CACNA1C: variants seen among roughly 807,000 people sequenced by gnomAD.
CACNA1C encodes the protein voltage-dependent L-type calcium channel subunit alpha-1C.
In CACNA1C, 30 loss-of-function variants were observed where a neutral mutation model predicts 229.0. The ratio of observed to expected loss-of-function variants is 0.13; its 90% confidence interval spans 0.10 to 0.18. The LOEUF is 0.18. Among genes scored for constraint, CACNA1C ranks in the 10% least tolerant of loss-of-function variants. CACNA1C has a pLI of 1.00. For missense variants in CACNA1C, 1,658 were observed against 2,845.0 expected (o/e 0.58, Z 9.49); for synonymous variants, 1,114 against 1,132.5 (o/e 0.98, Z 0.33).
intron 18 of CACNA1C, among the ~76,000 whole-genome samples, chr12:2,591,869 G>A (rs994442379): frequency 2.0e-5 from 3 of 152,176 alleles, no homozygotes; most frequent in Non-Finnish European, 4.4e-5. Flanking sequence ...TGTGGTTGCC[G>A]GCAGTCCTTG....
At chr12:2,519,590 A>G (rs2099805531) in intron 9 of CACNA1C, among the ~76,000 whole-genome samples, 1 of 152,248 alleles carries the variant, frequency 6.6e-6, no homozygotes, top group Admixed American at 6.5e-5. Flanking sequence ...AGTGGCGATG[A>G]CAGGGAAATT....
chr12:2,673,076 C>T (rs1317512244), intron 38 of CACNA1C, among the ~76,000 whole-genome samples: 1 of 152,192 alleles, frequency 6.6e-6, no homozygotes, highest in Non-Finnish European at 1.5e-5. Context: ...ACACAAGAGC[C>T]CTCAACCACA....
intron 3 of CACNA1C, among the ~76,000 whole-genome samples, chr12:2,136,694 C>T (rs560468445): frequency 1.5e-4 from 22 of 151,162 alleles, no homozygotes; most frequent in African/African-American, 5.3e-4. Context: ...CAGGCCATGC[C>T]ATTTGGAAAG....
intron 46 of CACNA1C, 122 bp from the exon 47 acceptor site, chr12:2,690,778 A>G (rs930476651): frequency 4.3e-6 from 4 of 924,494 alleles, no homozygotes; most frequent in Non-Finnish European, 6.4e-6. Flanking sequence ...GTACACGTGC[A>G]CACACGCACA....
chr12:2,530,446 C>T (rs977237771), intron 9 of CACNA1C, among the ~76,000 whole-genome samples: 2 of 152,196 alleles, frequency 1.3e-5, no homozygotes, highest in African/African-American at 4.8e-5. Flanking sequence ...AAAACTCTTT[C>T]CAGTTAAACT....
At chr12:2,155,092 C>A (rs2095489724) in intron 3 of CACNA1C, among the ~76,000 whole-genome samples, 1 of 152,170 alleles carries the variant, frequency 6.6e-6, no homozygotes. Context: ...AGACATAATT[C>A]TCTTGCAATC....
intron 3 of CACNA1C, among the ~76,000 whole-genome samples, chr12:2,298,177 G>A (rs901357629): frequency 6.6e-6 from 1 of 152,320 alleles, no homozygotes; most frequent in African/African-American, 2.4e-5. Context: ...AGTCCTTCCT[G>A]GGAAGAGCAC....
chr12:2,129,520 C>T (rs2091538964), intron 3 of CACNA1C, among the ~76,000 whole-genome samples: 1 of 152,174 alleles, frequency 6.6e-6, no homozygotes, highest in African/African-American at 2.4e-5. Context: ...CAAATAAATT[C>T]ACTGTTTATG....
intron 3 of CACNA1C, among the ~76,000 whole-genome samples, chr12:2,242,329 G>T (rs1317462730): frequency 6.6e-6 from 1 of 152,188 alleles, no homozygotes; most frequent in South Asian, 2.1e-4. Flanking sequence ...GCAATGCAAG[G>T]ATAATGAAAA....
At position 2,362,571 on chromosome 12, in the gene CACNA1C, T is replaced by C. The variant is rs111503315; in HGVS notation, c.478-86405T>C. On this transcript the variant is annotated intron_variant, in intron 3 of 46. Coordinates refer to ENST00000399655, the MANE Select transcript of CACNA1C (RefSeq NM_000719.7). ...ACTTGTTCTCCTGCTGGGGTGCATG[T>C]GTGTCCTCTCCAGCTGGACCATAAT... Among the ~76,000 whole-genome samples, 8 of 152,340 alleles carry C rather than the reference T, an allele frequency of 5.3e-5. 1 individual carries two copies. The highest frequency in any genetic ancestry group is 1.9e-4 in the African/African-American group (8 of 41,568).
At chr12:2,481,589 TGA>T (rs2099675870) in intron 5 of CACNA1C, among the ~76,000 whole-genome samples, 1 of 152,198 alleles carries the variant, frequency 6.6e-6, no homozygotes. Context: ...CCTGGTACCT[TGA>T]GAGTCTTTCC....
At position 2,488,752 on chromosome 12, in the gene CACNA1C, C is replaced by G. The variant is rs534557377; in HGVS notation, c.916+2490C>G. On this transcript the variant is annotated intron_variant, in intron 6 of 46. Transcript: ENST00000399655. The surrounding 1 kb of genome is among the most constrained non-coding windows in gnomAD (Gnocchi z 4.0). ...CCATGAGAAGGTGGCCTCACTCATTCGCTGGAGTCAGAGTCCCTGCTGGGA... is the reference window on the plus strand; with the variant it reads ...CCATGAGAAGGTGGCCTCACTCATTGGCTGGAGTCAGAGTCCCTGCTGGGA... 6.6e-6 allele frequency among the ~76,000 whole-genome samples: 1 copy of G among 152,202 alleles called. No individual in the cohort carries two copies. Among genetic ancestry groups the G allele is most frequent in the Non-Finnish European group, 1.5e-5 (1 of 68,022 alleles).
chr12:2,388,718 G>T (rs939425338), intron 3 of CACNA1C, among the ~76,000 whole-genome samples: 1 of 151,854 alleles, frequency 6.6e-6, no homozygotes, highest in Non-Finnish European at 1.5e-5. Flanking sequence ...CTTTGGGTTT[G>T]TGGAGTTGAC....
intron 3 of CACNA1C, among the ~76,000 whole-genome samples, chr12:2,263,072 T>TCC (rs2080964596): frequency 6.6e-6 from 1 of 152,146 alleles, no homozygotes; most frequent in Non-Finnish European, 1.5e-5. Flanking sequence ...AGGGTGGGGT[T>TCC]ATAGCTTTTA....
rs2099786737 is a variant in CACNA1C at position 2,512,458 on chromosome 12, A to G, written c.1218-354A>G. On this transcript the variant is annotated intron_variant, in intron 8 of 46. Transcript: ENST00000399655. This position sits in a 1 kb window ranked among gnomAD's most constrained non-coding sequence, Gnocchi z 4.3. ...GGAATGGTGGTGGAGGTTTTTAGTT[A>G]CTGCTTGGAACGAGTTCCCAGGTCT... is the stretch of plus-strand genomic sequence containing the variant. Among the ~76,000 whole-genome samples, 1 of 152,110 alleles carries G rather than the reference A, an allele frequency of 6.6e-6. No individual in the cohort carries two copies. Among genetic ancestry groups the G allele is most frequent in the Admixed American group, 6.5e-5 (1 of 15,274 alleles).
intron 29 of CACNA1C, chr12:2,613,641 C>G (rs2153462597): frequency 6.6e-6 from 1 of 152,336 alleles, no homozygotes; most frequent in East Asian, 1.9e-4. Flanking sequence ...TTTCACCTTC[C>G]TGTACAAGTC....
rs1183630815 is a variant in CACNA1C at position 2,135,868 on chromosome 12, A to C, written c.477+15438A>C. ...AGCTTCCCGGCTGCTTTGTTTACCTAATCAAGCCCGGGCAATGGCGGGCGC... is the reference window on the plus strand; with the variant it reads ...AGCTTCCCGGCTGCTTTGTTTACCTCATCAAGCCCGGGCAATGGCGGGCGC... On this transcript the variant is annotated intron_variant, in intron 3 of 46. Coordinates refer to ENST00000399655, the MANE Select transcript of CACNA1C (RefSeq NM_000719.7). Among the ~76,000 whole-genome samples the C allele has an allele frequency of 1.4e-3, 210 of 147,800 alleles. 5 individuals are homozygous for C. The highest frequency in any genetic ancestry group is 2.1e-3 in the Non-Finnish European group (143 of 67,368).
intron 3 of CACNA1C, among the ~76,000 whole-genome samples, chr12:2,159,558 A>G (rs942569921): frequency 3.3e-5 from 5 of 151,968 alleles, no homozygotes; most frequent in African/African-American, 7.2e-5. Flanking sequence ...AGAAAAATGA[A>G]TAGCTGATTA....
intron 3 of CACNA1C, among the ~76,000 whole-genome samples, chr12:2,423,642 C>G (rs2098999857): frequency 6.6e-6 from 1 of 152,168 alleles, no homozygotes; most frequent in Admixed American, 6.5e-5. Context: ...AGTAGTTACA[C>G]CCAGCAAGTA....
Sources: allele counts gnomAD v4.1 joint callset (sites outside exome capture counted in the v4.1 genomes callset), GRCh38; gene constraint gnomAD v4.1.1; non-coding constraint Gnocchi (gnomAD v3.1); transcripts MANE v1.5; gene names NCBI Gene and HGNC (gene_info 2026-07-23, HGNC 2026-07-21).